LRRC75A: variants seen among roughly 807,000 people sequenced by gnomAD.
LRRC75A encodes the protein leucine-rich repeat-containing protein 75A.
Under a neutral mutation model 26.0 loss-of-function variants are expected in LRRC75A, and 12 were observed. The ratio of observed to expected loss-of-function variants is 0.46; its 90% CI spans 0.30 to 0.75. The LOEUF is 0.75. Ranked by LOEUF, LRRC75A falls within the 30% of genes least tolerant of loss-of-function variation. The probability of loss-of-function intolerance (pLI) is 0.08; values close to 1 mark genes in which losing one functional copy is unlikely to be tolerated. For synonymous variants in LRRC75A, 223 were observed against 219.3 expected (o/e 1.02, Z -0.15); for missense variants, 410 against 486.6 (o/e 0.84, Z 1.48).
intron 1 of LRRC75A, among the ~76,000 whole-genome samples, chr17:16,465,437 CA>C (rs2093760330): frequency 6.6e-6 from 1 of 152,214 alleles, no homozygotes; most frequent in Non-Finnish European, 1.5e-5. Flanking sequence ...GGCTGACGGT[CA>C]GGGGCTGCGG....
Position 16,441,702 on chromosome 17 carries a change from T to C in LRRC75A, c.*1886A>G. 2 of 279,100 alleles carry C rather than the reference T, an allele frequency of 7.2e-6. No individual in the cohort carries two copies. Among genetic ancestry groups the C allele is most frequent in the South Asian group, 3.2e-5 (1 of 31,244 alleles). 17.3% of individuals were successfully genotyped at this position (279,100 alleles called of 1,614,324 possible). On this transcript the variant is annotated 3_prime_UTR_variant, in exon 4 of 4. Transcript: ENST00000470794. ...AATCCTCCCACCTTGTAGCTGGGAC[T>C]ACAGCTCACAGCACACCTGGCTAAA...
chr17:16,443,489 C>CA lies in LRRC75A; in HGVS notation c.*98dup. On this transcript the variant is annotated 3_prime_UTR_variant, in exon 4 of 4. Coordinates refer to ENST00000470794, the MANE Select transcript of LRRC75A (RefSeq NM_001113567.3). Reference sequence around the variant, plus strand: ...GTGGGTGGCCCAGGCCAATTTTTGGCAATATCCTTAACCCACCTGATAGGA... The same window carrying CA: ...GTGGGTGGCCCAGGCCAATTTTTGGCAAATATCCTTAACCCACCTGATAGGA... 8.4e-7 allele frequency: 1 copy of CA among 1,195,924 alleles called. No homozygotes were observed. The highest frequency in any genetic ancestry group is 1.1e-6 in the Non-Finnish European group (1 of 887,008). 74.1% of individuals were successfully genotyped at this position (1,195,924 alleles called of 1,614,324 possible).
chr17:16,491,658 G>C lies in LRRC75A; in HGVS notation c.246+87C>G, dbSNP rs926607134. 1 of 1,024,336 alleles carries C rather than the reference G, an allele frequency of 9.8e-7. No individual in the cohort carries two copies. The highest frequency in any genetic ancestry group is 1.2e-6 in the Non-Finnish European group (1 of 804,518). The allele number at this position is 1,024,336 out of a possible 1,614,324, so 63.5% of individuals were successfully genotyped here. A position where few individuals can be genotyped will look rare whatever the true frequency, so the allele number is the denominator to read the frequency against. ...TGGGCGGTGCCCCTCGGTGCCCCCG[G>C]CTTCCTCGGTTAGGGATGGGGCGCC... is the stretch of plus-strand genomic sequence containing the variant. On this transcript the variant is annotated intron_variant, in intron 1 of 3. Coordinates refer to ENST00000470794, the MANE Select transcript of LRRC75A (RefSeq NM_001113567.3). This position sits in a 1 kb window ranked among gnomAD's most constrained non-coding sequence, Gnocchi z 5.9.
At chr17:16,487,293 A>G (rs2093849059) in intron 1 of LRRC75A, among the ~76,000 whole-genome samples, 2 of 152,188 alleles carry the variant, frequency 1.3e-5, no homozygotes, top group South Asian at 4.1e-4. Context: ...CTGCTTGCCT[A>G]AAGAAGTGTT....
chr17:16,490,283 C>A (rs1396574988), intron 1 of LRRC75A, among the ~76,000 whole-genome samples: 1 of 152,154 alleles, frequency 6.6e-6, no homozygotes, highest in South Asian at 2.1e-4. Context: ...AAATAGGATA[C>A]CATGGTCTGG....
intron 1 of LRRC75A, among the ~76,000 whole-genome samples, chr17:16,468,850 C>A (rs2093789031): frequency 6.6e-6 from 1 of 152,192 alleles, no homozygotes; most frequent in South Asian, 2.1e-4. Context: ...GACGGTGCCA[C>A]TGCACTCCAA....
rs145498957 is a variant in LRRC75A, at chr17:16,443,974, C to G, written c.649G>C (p.Asp217His). 1 of 1,613,616 alleles carries G rather than the reference C, an allele frequency of 6.2e-7. No individual in the cohort carries two copies. The highest frequency in any genetic ancestry group is 1.3e-5 in the African/African-American group (1 of 75,018). ...GCTGGCAGCAGCTGCAGGACCATGTCGTCCGTGAGGCCTGTGAAGCCCAGC... is the reference window on the plus strand; with the variant it reads ...GCTGGCAGCAGCTGCAGGACCATGTGGTCCGTGAGGCCTGTGAAGCCCAGC... ...VELGFTGLTDDMVLQLLPALS... is the reference protein window; with the variant it reads ...VELGFTGLTDHMVLQLLPALS... Residue 217 changes from aspartate to histidine, a missense_variant, in exon 4 of 4, where the codon GAC becomes CAC. Asp to His is a moderately conservative substitution (Grantham distance 81). Coordinates refer to ENST00000470794, the MANE Select transcript of LRRC75A (RefSeq NM_001113567.3).
chr17:16,451,658 CAG>C (rs2093632149), intron 2 of LRRC75A, among the ~76,000 whole-genome samples: 3 of 151,322 alleles, frequency 2.0e-5, no homozygotes, highest in Non-Finnish European at 2.9e-5. Flanking sequence ...ATAAATAAAA[CAG>C]AGAATAGGAG....
Position 16,481,671 on chromosome 17 carries a change from T to C in LRRC75A, c.246+10074A>G, listed in dbSNP as rs550870231. ...TGTCTGTGGGTCGGCAAGATGGCCC[T>C]GGCATTCAGCACAGGAGGGGAGACA... On this transcript the variant is annotated intron_variant, in intron 1 of 3. Coordinates refer to ENST00000470794, the MANE Select transcript of LRRC75A (RefSeq NM_001113567.3). 2.0e-5 allele frequency among the ~76,000 whole-genome samples: 3 copies of C among 152,104 alleles called. No individual in the cohort carries two copies. The South Asian group carries it at 6.2e-4, about 32-fold the overall frequency.
chr17:16,465,210 G>T (rs921784975), intron 1 of LRRC75A, among the ~76,000 whole-genome samples: 5 of 152,256 alleles, frequency 3.3e-5, no homozygotes, highest in African/African-American at 1.2e-4. Context: ...TCTCCTCTGT[G>T]AGCACCCCTG....
chr17:16,467,500 A>T (rs987536264), intron 1 of LRRC75A, among the ~76,000 whole-genome samples: 1 of 152,202 alleles, frequency 6.6e-6, no homozygotes, highest in Non-Finnish European at 1.5e-5. Context: ...GAAGTCACCC[A>T]GTACATGTTT....
chr17:16,475,848 A>G (rs1417619543), intron 1 of LRRC75A, among the ~76,000 whole-genome samples: 1 of 151,872 alleles, frequency 6.6e-6, no homozygotes, highest in African/African-American at 2.4e-5. Flanking sequence ...AGAGTTTGAG[A>G]CCGGCCTGGT....
chr17:16,447,010 T>C (rs1456993366), intron 3 of LRRC75A: 6 of 334,868 alleles, frequency 1.8e-5, no homozygotes, highest in Non-Finnish European at 3.0e-5. Flanking sequence ...GGACAGCCCT[T>C]CCTTCCCCAG....
At chr17:16,460,601 C>T (rs1348679715) in intron 2 of LRRC75A, among the ~76,000 whole-genome samples, 1 of 152,242 alleles carries the variant, frequency 6.6e-6, no homozygotes, top group African/African-American at 2.4e-5. Flanking sequence ...CAGGGACCAC[C>T]GGCCTGTGTC....
intron 2 of LRRC75A, 98 bp from the exon 3 acceptor site, chr17:16,448,058 C>G (rs758576943): frequency 8.9e-7 from 1 of 1,125,484 alleles, no homozygotes; most frequent in South Asian, 1.3e-5. Context: ...CCAGCTCCCC[C>G]AGGCTGAGCT....
At chr17:16,489,176 C>T (rs962874973) in intron 1 of LRRC75A, among the ~76,000 whole-genome samples, 2 of 152,190 alleles carry the variant, frequency 1.3e-5, no homozygotes, top group Non-Finnish European at 2.9e-5. Flanking sequence ...AACAAAGGCT[C>T]CCGAGTCCCC....
At chr17:16,474,388 A>G (rs1447560936) in intron 1 of LRRC75A, among the ~76,000 whole-genome samples, 1 of 152,224 alleles carries the variant, frequency 6.6e-6, no homozygotes, top group Non-Finnish European at 1.5e-5. Context: ...CGTTTCAGCT[A>G]CTGTTTTATG....
intron 1 of LRRC75A, among the ~76,000 whole-genome samples, chr17:16,464,338 G>A (rs985771972): frequency 5.3e-5 from 8 of 152,178 alleles, no homozygotes; most frequent in African/African-American, 1.7e-4. Context: ...CCTTGTAGAA[G>A]CAGGTACAAT....
At position 16,491,642 on chromosome 17, in the gene LRRC75A, C is replaced by T. The variant is rs1411641363; in HGVS notation, c.246+103G>A. 4.6e-6 allele frequency: 4 copies of T among 861,736 alleles called. No homozygotes were observed. The highest frequency in any genetic ancestry group is 7.6e-5 in the East Asian group (2 of 26,164). 53.4% of individuals were successfully genotyped at this position (861,736 alleles called of 1,614,324 possible). A position where few individuals can be genotyped will look rare whatever the true frequency, so the allele number is the denominator to read the frequency against. On this transcript the variant is annotated intron_variant, in intron 1 of 3. Transcript: ENST00000470794. The surrounding 1 kb of genome is among the most constrained non-coding windows in gnomAD (Gnocchi z 5.9). ...CCGCGGAAGGGGCCCCTGGGCGGTGCCCCTCGGTGCCCCCGGCTTCCTCGG... is the reference window on the plus strand; with the variant it reads ...CCGCGGAAGGGGCCCCTGGGCGGTGTCCCTCGGTGCCCCCGGCTTCCTCGG...
Sources: gnomAD v4.1 joint callset for allele counts (sites outside exome capture counted in the v4.1 genomes callset) on GRCh38, gnomAD v4.1.1 for gene constraint, Gnocchi (gnomAD v3.1) non-coding constraint, MANE v1.5 for transcripts, NCBI Gene and HGNC (gene_info 2026-07-23, HGNC 2026-07-21) for gene names.